The following NTM variants were observed in gnomAD, a reference collection of about 807,000 sequenced individuals.
NTM encodes the protein neurotrimin, also known as IgLON family member 2.
NTM carries 13 observed loss-of-function variants against 42.1 expected under a neutral mutation model. The observed-to-expected ratio is 0.31, with a 90% CI of 0.20 to 0.49. The LOEUF (loss-of-function observed/expected upper bound fraction) is 0.49. NTM is among the 20% of genes least tolerant of loss of function. NTM has a pLI of 0.99. For missense variants in NTM, 373 were observed against 452.8 expected (o/e 0.82, Z 1.60); for synonymous variants, 187 against 179.2 (o/e 1.04, Z -0.35).
At chr11:132,183,666 T>C (rs2077942854) in intron 3 of NTM, among the ~76,000 whole-genome samples, 1 of 152,110 alleles carries the variant, frequency 6.6e-6, no homozygotes. Flanking sequence ...CAAGTATATC[T>C]TCTCTAGGTC....
intron 2 of NTM, among the ~76,000 whole-genome samples, chr11:132,126,397 A>G (rs1016505472): frequency 1.3e-4 from 19 of 151,890 alleles, no homozygotes; most frequent in African/African-American, 4.6e-4. Flanking sequence ...TTTTCCTTCC[A>G]TCACCCCCTT....
intron 4 of NTM, among the ~76,000 whole-genome samples, chr11:132,249,320 C>T (rs991357736): frequency 3.9e-5 from 6 of 151,966 alleles, no homozygotes; most frequent in Non-Finnish European, 8.8e-5. Flanking sequence ...GTGTTCCAGC[C>T]CTCATGAACG....
intron 1 of NTM, among the ~76,000 whole-genome samples, chr11:131,633,887 G>C (rs1332195693): frequency 6.6e-6 from 1 of 151,900 alleles, no homozygotes. Context: ...CTACCACAGA[G>C]AGTGATTTCT....
At chr11:131,471,766 AG>A (rs1027774824) in intron 1 of NTM, among the ~76,000 whole-genome samples, 5 of 152,120 alleles carry the variant, frequency 3.3e-5, no homozygotes, top group African/African-American at 1.2e-4. Context: ...CATGAATGAG[AG>A]GGTGGAAGAG....
intron 2 of NTM, among the ~76,000 whole-genome samples, chr11:132,071,210 A>C (rs942189174): frequency 7.1e-6 from 1 of 140,294 alleles, no homozygotes; most frequent in African/African-American, 2.6e-5. Flanking sequence ...TTAACACGTC[A>C]CACTGACCAT....
chr11:132,176,195 T>G (rs2076784086), intron 3 of NTM, among the ~76,000 whole-genome samples: 1 of 152,198 alleles, frequency 6.6e-6, no homozygotes, highest in Non-Finnish European at 1.5e-5. Flanking sequence ...TCATCTGTCC[T>G]TTGGAAATAC....
At chr11:131,757,014 C>T (rs1277466469) in intron 1 of NTM, among the ~76,000 whole-genome samples, 6 of 152,208 alleles carry the variant, frequency 3.9e-5, no homozygotes, top group Non-Finnish European at 8.8e-5. Context: ...GCCTCAAATG[C>T]CACCTCAGAG....
At chr11:131,804,687 C>G (rs117993635) in intron 1 of NTM, among the ~76,000 whole-genome samples, 1 of 152,146 alleles carries the variant, frequency 6.6e-6, no homozygotes, top group Non-Finnish European at 1.5e-5. Flanking sequence ...TCCTTGTACC[C>G]CCAGGCCGCA....
Position 132,234,329 on chromosome 11 carries a change from G to A in NTM, c.526+22182G>A, listed in dbSNP as rs139851562. ...GAGAGGGCCATCATCTTCCCAGGAG[G>A]AGCACATTTGCCTCAATCAGCACCT... On this transcript the variant is annotated intron_variant, in intron 4 of 8. Transcript: ENST00000683400. 1.6e-3 allele frequency among the ~76,000 whole-genome samples: 246 copies of A among 152,258 alleles called. 1 individual carries two copies. Among genetic ancestry groups the A allele is most frequent in the African/African-American group, 5.8e-3 (239 of 41,538 alleles).
intron 4 of NTM, among the ~76,000 whole-genome samples, chr11:132,276,452 T>A (rs879526401): frequency 9.9e-5 from 15 of 152,050 alleles, no homozygotes; most frequent in Non-Finnish European, 1.6e-4. Context: ...TTGGGGGGTG[T>A]CTCAGACTCA....
intron 1 of NTM, among the ~76,000 whole-genome samples, chr11:131,741,172 AGAG>A (rs1251039201): frequency 4.2e-5 from 4 of 96,326 alleles, no homozygotes; most frequent in Non-Finnish European, 9.1e-5. Context: ...TGAGAGAGAG[AGAG>A]AGAGAGAGAG....
At chr11:132,118,294 G>A (rs1437888823) in intron 2 of NTM, among the ~76,000 whole-genome samples, 1 of 151,988 alleles carries the variant, frequency 6.6e-6, no homozygotes, top group Non-Finnish European at 1.5e-5. Flanking sequence ...AATGCACAAG[G>A]CTTGTCTAGA....
At chr11:132,246,740 T>C (rs3133875) in intron 4 of NTM, among the ~76,000 whole-genome samples, 75,017 of 152,084 alleles carry the variant, frequency 0.49, 18,945 homozygotes, top group African/African-American at 0.59. Context: ...TAGTTATAGC[T>C]CGGGAAGGCA....
At chr11:131,563,335 A>C (rs2056465281) in intron 1 of NTM, among the ~76,000 whole-genome samples, 1 of 152,200 alleles carries the variant, frequency 6.6e-6, no homozygotes, top group South Asian at 2.1e-4. Flanking sequence ...GTAGTGGGAA[A>C]AAAAATTACC....
intron 2 of NTM, among the ~76,000 whole-genome samples, chr11:132,007,014 C>T (rs898659053): frequency 6.6e-6 from 1 of 152,216 alleles, no homozygotes; most frequent in Non-Finnish European, 1.5e-5. Flanking sequence ...TGGGCACTCT[C>T]TTTCCTCTGT....
intron 1 of NTM, among the ~76,000 whole-genome samples, chr11:131,872,973 C>T (rs1293409433): frequency 3.3e-5 from 5 of 152,114 alleles, no homozygotes; most frequent in Non-Finnish European, 4.4e-5. Flanking sequence ...AATGTAAAAA[C>T]GTTCCTATTT....
intron 1 of NTM, among the ~76,000 whole-genome samples, chr11:131,861,493 CTT>C (rs1173244926): frequency 6.6e-5 from 10 of 152,010 alleles, no homozygotes; most frequent in Non-Finnish European, 1.2e-4. Context: ...CTTTTCCTTT[CTT>C]GATAAAAATT....
At chr11:131,903,473 T>C (rs1196094997) in intron 1 of NTM, among the ~76,000 whole-genome samples, 1 of 152,380 alleles carries the variant, frequency 6.6e-6, no homozygotes, top group Middle Eastern at 3.4e-3. Context: ...AGAAACCCTT[T>C]ATCAGAAGAC....
At chr11:131,883,560 T>C (rs2049892654) in intron 1 of NTM, among the ~76,000 whole-genome samples, 1 of 152,134 alleles carries the variant, frequency 6.6e-6, no homozygotes, top group Non-Finnish European at 1.5e-5. Flanking sequence ...GAAACTGAAG[T>C]CTAGAGAGGA....
Sources: gnomAD v4.1 joint callset for allele counts (sites outside exome capture counted in the v4.1 genomes callset) on GRCh38, gnomAD v4.1.1 for gene constraint, MANE v1.5 for transcripts, NCBI Gene and HGNC (gene_info 2026-07-23, HGNC 2026-07-21) for gene names.